LAMB2: variants seen among roughly 807,000 people sequenced by gnomAD.
LAMB2 encodes the protein laminin subunit beta-2.
A neutral mutation model predicts 202.7 loss-of-function variants in LAMB2; 119 were observed. The observed-to-expected ratio is 0.59, with a 90% confidence interval of 0.51 to 0.68. LAMB2 has a LOEUF of 0.68. LAMB2 is among the 30% of genes least tolerant of loss of function. LAMB2 has a pLI of 0.00. For missense variants in LAMB2, 2,124 were observed against 2,410.6 expected (o/e 0.88, Z 2.49); for synonymous variants, 818 against 902.2 (o/e 0.91, Z 1.67).
Position 49,123,897 on chromosome 3 carries a change from G to T in LAMB2, c.3628C>A (p.Arg1210Ser). The change falls in exon 24 of 32, where the codon CGC becomes AGC. Residue 1210 changes from arginine to serine, a missense_variant. Around this residue, in one of 3 missense-constraint regions of LAMB2, gnomAD observed 1,702 missense variants for 1,896.3 expected, o/e 0.90. Transcript: ENST00000305544. ...VVQDLAARTQ[R>S]LEQRAQELQQ... ...AACTCCTGCGCCCGCTGCTCTAGGC[G>T]CTGTGTACGGGCTGCCAAGTCCTGC... 1 of 1,613,334 alleles carries T rather than the reference G, an allele frequency of 6.2e-7. No individual in the cohort carries two copies. Among genetic ancestry groups the T allele is most frequent in the South Asian group, 1.1e-5 (1 of 91,090 alleles).
At position 49,124,968 on chromosome 3, in the gene LAMB2, A is replaced by G. The variant is rs2045395033; in HGVS notation, c.2884+38T>C. The G allele has an allele frequency of 4.3e-6, 7 of 1,613,880 alleles. No individual in the cohort carries two copies. In the East Asian group the frequency reaches 1.3e-4, roughly 31 times the overall value. On this transcript the variant is annotated intron_variant, in intron 20 of 31. Coordinates refer to ENST00000305544, the MANE Select transcript of LAMB2 (RefSeq NM_002292.4). ...GAAGCTGTGAGTGCTCAGCCCAGCC[A>G]ACTCACCCTGATCCCACGCCTGCCC...
intron 14 of LAMB2, 28 bp from the exon 15 acceptor site, chr3:49,128,613 G>A (rs1251178581): frequency 1.2e-6 from 2 of 1,614,208 alleles, no homozygotes; most frequent in South Asian, 2.2e-5. Context: ...TGGAGGAGAT[G>A]CTCCCACACC....
In LAMB2 at chr3:49,131,657, G is replaced by A. The variant is rs1429786391; in HGVS notation, c.526C>T (p.Arg176Ter). ...GCCCCACAGTCATAGGAGAAATATC[G>A]GTACACATGCCAGGTGCGGCCAAAG... ...ADFGRTWHVY[R>*]YFSYDCGADF... Residue 176 changes from arginine (R) to a stop codon, truncating the protein, a stop_gained, in exon 5 of 32, where the codon CGA (arginine) becomes TGA (stop). Coordinates refer to ENST00000305544, the MANE Select transcript of LAMB2 (RefSeq NM_002292.4). LOFTEE classifies it high-confidence loss of function. The surrounding 1 kb of genome is among the most constrained non-coding windows in gnomAD (Gnocchi z 5.0). The A allele has an allele frequency of 8.1e-6, 13 of 1,613,560 alleles. No individual in the cohort carries two copies. Among genetic ancestry groups the A allele is most frequent in the African/African-American group, 1.3e-5 (1 of 74,894 alleles).
At position 49,125,235 on chromosome 3, in the gene LAMB2, T is replaced by C. The variant is rs765792198; in HGVS notation, c.2720+18A>G. 3 of 1,613,768 alleles carry C rather than the reference T, an allele frequency of 1.9e-6. No homozygotes were observed. The highest frequency in any genetic ancestry group is 3.3e-5 in the Admixed American group (2 of 60,028). On this transcript the variant is annotated intron_variant, in intron 19 of 31. Coordinates refer to ENST00000305544, the MANE Select transcript of LAMB2 (RefSeq NM_002292.4). ...GCCTGCCCACCAACCAACCCACTCA[T>C]AGCTGCTCCAGTCTCACCTTTCACA...
In LAMB2 at chr3:49,131,344, C is replaced by T. The variant is rs756530840; in HGVS notation, c.712+35G>A. The T allele has an allele frequency of 3.1e-6, 5 of 1,606,606 alleles. No homozygotes were observed. Among genetic ancestry groups the T allele is most frequent in the Admixed American group, 3.3e-5 (2 of 59,914 alleles). On this transcript the variant is annotated intron_variant, in intron 6 of 31. Coordinates refer to ENST00000305544, the MANE Select transcript of LAMB2 (RefSeq NM_002292.4). This position sits in a 1 kb window ranked among gnomAD's most constrained non-coding sequence, Gnocchi z 5.0. ...GCCCCAAATAGTCCCTAGCCGGACA[C>T]GGACTGTGCCAGACTCAAAGGGTGG...
intron 15 of LAMB2, 121 bp from the exon 16 acceptor site, chr3:49,126,618 T>A: frequency 7.5e-7 from 1 of 1,340,812 alleles, no homozygotes; most frequent in Admixed American, 1.8e-5. Context: ...TATGGCTGGG[T>A]TGCGTTGGGC....
chr3:49,122,745 T>C lies in LAMB2; in HGVS notation c.4532A>G (p.Glu1511Gly). Residue 1511 changes from glutamate (E) to glycine (G), a missense_variant, in exon 27 of 32, where the codon GAA becomes GGA. Physicochemically the swap from Glu to Gly is moderately conservative, Grantham distance 98 (BLOSUM62 -2). Transcript: ENST00000305544. ...SRGQVEQANQ[E>G]LQELIQSVKD... is the part of the protein sequence containing the mutation. Reference sequence around the variant, plus strand: ...CACACTCTGGATAAGTTCTTGAAGTTCCTGGTTGGCCTGTTCCACCTGTCC... The same window carrying C: ...CACACTCTGGATAAGTTCTTGAAGTCCCTGGTTGGCCTGTTCCACCTGTCC... The C allele has an allele frequency of 6.2e-7, 1 of 1,614,152 alleles. No homozygotes were observed.
chr3:49,123,323 G>A lies in LAMB2; in HGVS notation c.4033C>T (p.Arg1345Cys), dbSNP rs775469931. 6.2e-6 allele frequency: 10 copies of A among 1,614,062 alleles called. No individual in the cohort carries two copies. The highest frequency in any genetic ancestry group is 1.3e-5 in the African/African-American group (1 of 75,040). ...HAHSQSAEAE[R>C]RANTSALAVP... ...GCCAGGGCTGAGGTATTGGCACGACGTTCTGCCTCTGCAGACTGGCTATGG... is the reference window on the plus strand; with the variant it reads ...GCCAGGGCTGAGGTATTGGCACGACATTCTGCCTCTGCAGACTGGCTATGG... The change falls in exon 26 of 32, where the codon CGT (arginine) becomes TGT (cysteine). Residue 1345 changes from arginine to cysteine, a missense_variant. Physicochemically the swap from Arg to Cys is radical, Grantham distance 180 (BLOSUM62 -3). This residue lies in a region of LAMB2 where 1,702 missense variants were observed against 1,896.3 expected (regional missense o/e 0.90). Transcript: ENST00000305544.
At chr3:49,122,589 C>T in intron 27 of LAMB2, 115 bp downstream of exon 27, 1 of 1,027,848 alleles carries the variant, frequency 9.7e-7, no homozygotes, top group African/African-American at 1.6e-5. Flanking sequence ...GTCAAGGGAT[C>T]ATAAACACTA....
chr3:49,131,973 G>A lies in LAMB2; in HGVS notation c.459+143C>T. 1 of 913,340 alleles carries A rather than the reference G, an allele frequency of 1.1e-6. No individual in the cohort carries two copies. The highest frequency in any genetic ancestry group is 1.8e-6 in the Non-Finnish European group (1 of 560,336). 56.6% of individuals were successfully genotyped at this position (913,340 alleles called of 1,614,324 possible). ...GGCAGAAGAGCATGTGCAAAGGCCT[G>A]GAGGCAAATGGAAGGTGTGAAGGGA... On this transcript the variant is annotated intron_variant, in intron 4 of 31. Coordinates refer to ENST00000305544, the MANE Select transcript of LAMB2 (RefSeq NM_002292.4). The surrounding 1 kb of genome is among the most constrained non-coding windows in gnomAD (Gnocchi z 5.0).
At position 49,122,097 on chromosome 3, in the gene LAMB2, G is replaced by A. The variant is rs1267550989; in HGVS notation, c.4782-12C>T. ...CCTCAGCCCAGCTCCTGGGGAGAAG[G>A]GGGAATCAGAACCTGGAGGTATCAA... is the stretch of plus-strand genomic sequence containing the variant. On this transcript the variant is annotated splice_polypyrimidine_tract_variant and intron_variant, in intron 28 of 31. Coordinates refer to ENST00000305544, the MANE Select transcript of LAMB2 (RefSeq NM_002292.4). 4 of 1,613,268 alleles carry A rather than the reference G, an allele frequency of 2.5e-6. No individual in the cohort carries two copies. The highest frequency in any genetic ancestry group is 1.6e-4 in the Middle Eastern group (1 of 6,084).
rs142860588 is a variant in LAMB2, at chr3:49,126,417, C to T, written c.2099G>A (p.Gly700Glu). The change falls in exon 16 of 32, where the codon GGA becomes GAA. Residue 700 changes from glycine (G) to glutamate (E), a missense_variant. Gly to Glu is a moderately conservative substitution (Grantham distance 98). Transcript: ENST00000305544. ...GTAGGGAGTCTCAGGCTGGGCACTT[C>T]CCCCTGTCCGTACCAGCTTCAGATG... Reference protein sequence around the residue: ...KLHLKLVRTGGSAQPETPYSG... With the variant: ...KLHLKLVRTGESAQPETPYSG... 1.3e-4 allele frequency: 206 copies of T among 1,614,156 alleles called. 2 individuals are homozygous for T. The Middle Eastern group carries it at 5.3e-3, about 41-fold the overall frequency.
In LAMB2 at chr3:49,124,010, C is replaced by T. The variant is rs547349180; in HGVS notation, c.3515G>A (p.Arg1172His). The T allele has an allele frequency of 1.2e-5, 20 of 1,613,478 alleles. No homozygotes were observed. Among genetic ancestry groups the T allele is most frequent in the Admixed American group, 6.7e-5 (4 of 60,020 alleles). The change falls in exon 24 of 32, where the codon CGC (arginine) becomes CAC (histidine). Residue 1172 changes from arginine (R) to histidine (H), a missense_variant. Arg to His is a conservative substitution (Grantham distance 29). Transcript: ENST00000305544. ...CSCRPGVSGV[R>H]CDQCARGFSG... ...GAAGCCACGGGCACACTGGTCACAG[C>T]GCACACCAGACACCCCTGGGCGGCA...
At chr3:49,121,889 G>T in intron 29 of LAMB2, 29 bp from the exon 30 acceptor site, 1 of 1,613,538 alleles carries the variant, frequency 6.2e-7, no homozygotes, top group Non-Finnish European at 8.5e-7. Context: ...AGGTTACACA[G>T]ATCTACGGTT....
chr3:49,132,268 A>C lies in LAMB2; in HGVS notation c.385+2T>G. 11 of 1,614,176 alleles carry C rather than the reference A, an allele frequency of 6.8e-6. No individual in the cohort carries two copies. Among genetic ancestry groups the C allele is most frequent in the Non-Finnish European group, 9.3e-6 (11 of 1,180,020 alleles). ...TCACTTTTGCCCCACCCATGGCCTC[A>C]CCATTCTCTGACTGCCACCAGGCTG... On this transcript the variant is annotated splice_donor_variant, in intron 3 of 31. Coordinates refer to ENST00000305544, the MANE Select transcript of LAMB2 (RefSeq NM_002292.4). LOFTEE classifies it high-confidence loss of function. This position sits in a 1 kb window ranked among gnomAD's most constrained non-coding sequence, Gnocchi z 4.6.
Position 49,130,481 on chromosome 3 carries a change from G to A in LAMB2, c.1037-62C>T. On this transcript the variant is annotated intron_variant, in intron 8 of 31. Coordinates refer to ENST00000305544, the MANE Select transcript of LAMB2 (RefSeq NM_002292.4). This position sits in a 1 kb window ranked among gnomAD's most constrained non-coding sequence, Gnocchi z 5.0. ...AGGAACCAGGTCACAAGGGTAAGAA[G>A]TAGGCCACCTTAGATCCCTATCACA... 2 of 1,589,938 alleles carry A rather than the reference G, an allele frequency of 1.3e-6. No individual in the cohort carries two copies. Among genetic ancestry groups the A allele is most frequent in the Non-Finnish European group, 1.7e-6 (2 of 1,159,282 alleles).
rs2045472661 is a variant in LAMB2 at position 49,130,820 on chromosome 3, A to G, written c.956T>C (p.Leu319Pro). Residue 319 changes from leucine (L) to proline (P), a missense_variant, in exon 8 of 32, where the codon CTC (leucine) becomes CCC (proline). By Grantham distance (98) the Leu-to-Pro change is moderately conservative. Transcript: ENST00000305544. The surrounding 1 kb of genome is among the most constrained non-coding windows in gnomAD (Gnocchi z 5.0). Reference sequence around the variant, plus strand: ...GAAATCCTGACACTGCTCGCAGTTGAGGCCACGTGTGTTGTGTTTGCAGAT... The same window carrying G: ...GAAATCCTGACACTGCTCGCAGTTGGGGCCACGTGTGTTGTGTTTGCAGAT... ...ACICKHNTRGLNCEQCQDFYR... is the reference protein window; with the variant it reads ...ACICKHNTRGPNCEQCQDFYR... 6.2e-7 allele frequency: 1 copy of G among 1,614,070 alleles called. No individual in the cohort carries two copies. Among genetic ancestry groups the G allele is most frequent in the Admixed American group, 1.7e-5 (1 of 60,012 alleles).
rs1311381453 is a variant in LAMB2 at position 49,123,341 on chromosome 3, G to A, written c.4015C>T (p.Gln1339Ter). The change falls in exon 26 of 32, where the codon CAG (glutamine) becomes TAG (stop). Residue 1339 changes from glutamine (Q) to a stop codon, truncating the protein, a stop_gained. Coordinates refer to ENST00000305544, the MANE Select transcript of LAMB2 (RefSeq NM_002292.4). LOFTEE classifies it high-confidence loss of function. ...AYDSIRHAHS[Q>*]SAEAERRANT... Reference sequence around the variant, plus strand: ...GCACGACGTTCTGCCTCTGCAGACTGGCTATGGGCATGCCGGATGCTGTCA... The same window carrying A: ...GCACGACGTTCTGCCTCTGCAGACTAGCTATGGGCATGCCGGATGCTGTCA... 6.2e-7 allele frequency: 1 copy of A among 1,613,928 alleles called. No homozygotes were observed. Among genetic ancestry groups the A allele is most frequent in the Non-Finnish European group, 8.5e-7 (1 of 1,180,012 alleles).
At position 49,123,629 on chromosome 3, in the gene LAMB2, C is replaced by T. The variant is rs141988617; in HGVS notation, c.3800G>A (p.Arg1267His). 8.0e-5 allele frequency: 129 copies of T among 1,613,998 alleles called. No homozygotes were observed. Among genetic ancestry groups the T allele is most frequent in the African/African-American group, 1.1e-4 (8 of 74,926 alleles). The change falls in exon 25 of 32, where the codon CGT becomes CAT. Residue 1267 changes from arginine to histidine, a missense_variant and splice_region_variant. By Grantham distance (29) the Arg-to-His change is conservative. This residue lies in a region of LAMB2 where 1,702 missense variants were observed against 1,896.3 expected (regional missense o/e 0.90). Transcript: ENST00000305544. The stretch of plus-strand genomic sequence containing the variant: ...GTGCTCAGTGGCCTCCCCAATTTCA[C>T]GCCTGCAATGATGGAGAGGGGGGTG... ...QLVEATEELR[R>H]EIGEATEHLT... is the part of the protein sequence containing the mutation.
Sources: allele counts gnomAD v4.1 joint callset, GRCh38; gene constraint gnomAD v4.1.1; regional missense constraint gnomAD v4.1.1; non-coding constraint Gnocchi (gnomAD v3.1); transcripts MANE v1.5; gene names NCBI Gene and HGNC (gene_info 2026-07-23, HGNC 2026-07-21).